Variants in GABRB1 observed in about 807,000 individuals in gnomAD.
The protein encoded by GABRB1 is gamma-aminobutyric acid receptor subunit beta-1.
A neutral mutation model predicts 51.6 loss-of-function variants in GABRB1; 17 were observed. That is an observed-to-expected ratio of 0.33 (90% CI 0.23 to 0.49). The LOEUF is 0.49. GABRB1 is among the 20% of genes least tolerant of loss of function. The pLI is 0.99. For synonymous variants in GABRB1, 247 were observed against 218.9 expected, an observed-to-expected ratio of 1.13 and a Z score of -1.14; for missense variants, 410 against 600.6, an observed-to-expected ratio of 0.68 and a Z score of 3.32.
chr4:47,004,690 C>T (rs1724333461), intron 1 of GABRB1, among the ~76,000 whole-genome samples: 1 of 152,052 alleles, frequency 6.6e-6, no homozygotes, highest in African/African-American at 2.4e-5. Context: ...ATTTAAAAAA[C>T]AAACAGACAA....
At chr4:47,111,643 C>T (rs1443501800) in intron 3 of GABRB1, among the ~76,000 whole-genome samples, 1 of 151,972 alleles carries the variant, frequency 6.6e-6, no homozygotes, top group African/African-American at 2.4e-5. Flanking sequence ...GCAGGCAGAT[C>T]ACTTGAGCTC....
At chr4:47,148,017 A>G (rs370698410) in intron 3 of GABRB1, among the ~76,000 whole-genome samples, 2 of 152,214 alleles carry the variant, frequency 1.3e-5, no homozygotes, top group South Asian at 2.1e-4. Flanking sequence ...TTTACCTGCC[A>G]TATAACAAAT....
intron 3 of GABRB1, among the ~76,000 whole-genome samples, chr4:47,106,913 C>A (rs1370459295): frequency 6.6e-6 from 1 of 152,054 alleles, no homozygotes; most frequent in African/African-American, 2.4e-5. Context: ...AGCCTTTGTT[C>A]TATGGGTAAC....
rs1272951018 is a variant in GABRB1 at position 47,426,077 on chromosome 4, C to G, written c.*59C>G. 1 of 1,370,620 alleles carries G rather than the reference C, an allele frequency of 7.3e-7. No individual in the cohort carries two copies. The highest frequency in any genetic ancestry group is 2.3e-5 in the Admixed American group (1 of 43,670). The allele number at this position is 1,370,620 out of a possible 1,614,324, so 84.9% of individuals were successfully genotyped here. On this transcript the variant is annotated 3_prime_UTR_variant, in exon 9 of 9. Coordinates refer to ENST00000295454, the MANE Select transcript of GABRB1 (RefSeq NM_000812.4). ...CCTCTTCTATTGTTTTTTAACCTTA[C>G]AGGTCCCCAACAGCGATACTGCTGT...
chr4:47,318,679 T>G (rs1468256444), intron 4 of GABRB1, among the ~76,000 whole-genome samples: 1 of 152,114 alleles, frequency 6.6e-6, no homozygotes, highest in Non-Finnish European at 1.5e-5. Flanking sequence ...ATATCCTATC[T>G]GGACTTCATT....
chr4:47,270,733 C>T (rs1481262432), intron 4 of GABRB1, among the ~76,000 whole-genome samples: 2 of 148,838 alleles, frequency 1.3e-5, no homozygotes, highest in East Asian at 4.0e-4. Context: ...CAAAAATAAC[C>T]TTTCAGTATA....
chr4:47,214,071 C>T (rs888380931), intron 4 of GABRB1, among the ~76,000 whole-genome samples: 6 of 152,004 alleles, frequency 3.9e-5, no homozygotes, highest in Middle Eastern at 3.2e-3. Flanking sequence ...ATGGATGAAA[C>T]GCTAGTGTGC....
At position 47,334,053 on chromosome 4, in the gene GABRB1, G is replaced by A. The variant is rs572102913; in HGVS notation, c.544+13844G>A. On this transcript the variant is annotated intron_variant, in intron 5 of 8. Coordinates refer to ENST00000295454, the MANE Select transcript of GABRB1 (RefSeq NM_000812.4). ...ATCAGAGCAGAATCACACAACATGT[G>A]TGAGATGCACCTTGCAGTGCTTGTC... is the stretch of plus-strand genomic sequence containing the variant. 2.7e-4 allele frequency among the ~76,000 whole-genome samples: 41 copies of A among 152,260 alleles called. 1 individual carries two copies. Among genetic ancestry groups the A allele is most frequent in the Admixed American group, 2.2e-3 (33 of 15,288 alleles).
chr4:47,072,454 C>A (rs1399289754), intron 3 of GABRB1, among the ~76,000 whole-genome samples: 1 of 152,078 alleles, frequency 6.6e-6, no homozygotes, highest in Non-Finnish European at 1.5e-5. Flanking sequence ...GCTGTTGCTA[C>A]CAGAGAAAAA....
chr4:47,368,918 G>T (rs901891355), intron 5 of GABRB1, among the ~76,000 whole-genome samples: 3 of 151,988 alleles, frequency 2.0e-5, no homozygotes, highest in Non-Finnish European at 4.4e-5. Context: ...GACCAGACTG[G>T]CCAACATGGT....
At chr4:47,401,840 CATCTATCT>C (rs748902414) in intron 5 of GABRB1, among the ~76,000 whole-genome samples, 8 of 41,494 alleles carry the variant, frequency 1.9e-4, no homozygotes, top group South Asian at 1.1e-3. Flanking sequence ...ATCTATCTAT[CATCTATCT>C]ATCTATCTAT....
rs1482966175 is a variant in GABRB1 at position 47,363,347 on chromosome 4, T to C, written c.545-39971T>C. On this transcript the variant is annotated intron_variant, in intron 5 of 8. Transcript: ENST00000295454. ...CTACCATGCTACATACCATATACCA[T>C]GGACCATGACTTAAAATTAGAGATT... Among the ~76,000 whole-genome samples, 7 of 152,138 alleles carry C rather than the reference T, an allele frequency of 4.6e-5. No individual in the cohort carries two copies. The South Asian group carries it at 6.2e-4, about 14-fold the overall frequency.
At chr4:47,382,209 C>T (rs1221924782) in intron 5 of GABRB1, among the ~76,000 whole-genome samples, 1 of 152,152 alleles carries the variant, frequency 6.6e-6, no homozygotes, top group Non-Finnish European at 1.5e-5. Flanking sequence ...CAGGGTTTTT[C>T]AACATCAGCA....
At chr4:47,011,222 T>C (rs1292892497) in intron 1 of GABRB1, among the ~76,000 whole-genome samples, 1 of 152,078 alleles carries the variant, frequency 6.6e-6, no homozygotes, top group Non-Finnish European at 1.5e-5. Flanking sequence ...TCAAAGACTT[T>C]CCTGTTTTGC....
At chr4:47,108,145 C>T (rs926241712) in intron 3 of GABRB1, among the ~76,000 whole-genome samples, 3 of 152,016 alleles carry the variant, frequency 2.0e-5, no homozygotes, top group African/African-American at 7.2e-5. Flanking sequence ...CTTGCTACCA[C>T]CCACAATCGG....
intron 4 of GABRB1, among the ~76,000 whole-genome samples, chr4:47,212,207 A>G (rs1031032374): frequency 3.3e-5 from 5 of 152,208 alleles, no homozygotes; most frequent in African/African-American, 1.2e-4. Flanking sequence ...ATCTGGAAAA[A>G]TAAGTACTCT....
At chr4:47,264,540 GAAAC>G (rs922530829) in intron 4 of GABRB1, among the ~76,000 whole-genome samples, 63 of 152,336 alleles carry the variant, frequency 4.1e-4, no homozygotes, top group African/African-American at 1.4e-3. Context: ...TAAAGAAACT[GAAAC>G]GCTTCACAGT....
Position 47,368,844 on chromosome 4 carries a change from A to ATGCC in GABRB1, c.545-34471_545-34468dup, listed in dbSNP as rs1206007104. Reference sequence around the variant, plus strand: ...TGCTCTTGGCCAGGCATGGTGGCTCATGCCTGTAATCGCAACACTTTGGGA... The same window carrying ATGCC: ...TGCTCTTGGCCAGGCATGGTGGCTCATGCCTGCCTGTAATCGCAACACTTTGGGA... On this transcript the variant is annotated intron_variant, in intron 5 of 8. Coordinates refer to ENST00000295454, the MANE Select transcript of GABRB1 (RefSeq NM_000812.4). 5.9e-5 allele frequency among the ~76,000 whole-genome samples: 9 copies of ATGCC among 152,240 alleles called. No homozygotes were observed. The East Asian group carries it at 1.2e-3, about 20-fold the overall frequency.
intron 3 of GABRB1, among the ~76,000 whole-genome samples, chr4:47,063,673 T>A (rs955145982): frequency 6.6e-6 from 1 of 151,948 alleles, no homozygotes. Flanking sequence ...TTTTGCAAAT[T>A]TTACAAGAAA....
Sources: allele counts gnomAD v4.1 joint callset (sites outside exome capture counted in the v4.1 genomes callset), GRCh38; gene constraint gnomAD v4.1.1; transcripts MANE v1.5; gene names NCBI Gene and HGNC (gene_info 2026-07-23, HGNC 2026-07-21).